TMEM80: variants seen among roughly 807,000 people sequenced by gnomAD.
TMEM80 encodes the protein transmembrane protein 80.
In TMEM80, 16 loss-of-function variants were observed where a neutral mutation model predicts 13.6. The ratio of observed to expected loss-of-function variants is 1.17; its 90% CI spans 0.79 to 1.78. The LOEUF (loss-of-function observed/expected upper bound fraction) is 1.78, where lower values mean the gene tolerates loss of function less well. Among genes scored for constraint, TMEM80 ranks in the 40% most tolerant of loss-of-function variants. TMEM80 has a pLI of 0.00. For synonymous variants in TMEM80, 92 were observed against 89.5 expected (o/e 1.03, Z -0.16); for missense variants, 167 against 184.6 (o/e 0.90, Z 0.55).
At position 700,138 on chromosome 11, in the gene TMEM80, C is replaced by G; in HGVS notation, c.40-4C>G. The G allele has an allele frequency of 6.2e-7, 1 of 1,613,894 alleles. No individual in the cohort carries two copies. Among genetic ancestry groups the G allele is most frequent in the Non-Finnish European group, 8.5e-7 (1 of 1,179,792 alleles). On this transcript the variant is annotated splice_polypyrimidine_tract_variant and splice_region_variant and intron_variant, in intron 2 of 4. Coordinates refer to ENST00000397510, the MANE Select transcript of TMEM80 (RefSeq NM_001042463.3). ...GAGCTTGAGGATCCTTAACCACTCACCAGCTCTCTTCAGTTCCCCTTCAAA... is the reference window on the plus strand; with the variant it reads ...GAGCTTGAGGATCCTTAACCACTCAGCAGCTCTCTTCAGTTCCCCTTCAAA...
intron 1 of TMEM80, 86 bp from the exon 2 acceptor site, chr11:698,781 CAG>C (rs1431247129): frequency 5.5e-6 from 8 of 1,465,120 alleles, no homozygotes; most frequent in African/African-American, 1.4e-5. Flanking sequence ...GAAAATAAAG[CAG>C]GGGTGGTTCC....
chr11:703,470 A>G lies in TMEM80; in HGVS notation c.*320A>G, dbSNP rs986675294. On this transcript the variant is annotated 3_prime_UTR_variant, in exon 5 of 5. Coordinates refer to ENST00000397510, the MANE Select transcript of TMEM80 (RefSeq NM_001042463.3). The stretch of plus-strand genomic sequence containing the variant: ...AGCAGCCAGGCCTCCACAGACCCCC[A>G]TGGGCCCCCAGGGCCGAGAGGGAGG... 7.9e-7 allele frequency: 1 copy of G among 1,258,270 alleles called. No individual in the cohort carries two copies. The allele number at this position is 1,258,270 out of a possible 1,614,324, so 77.9% of individuals were successfully genotyped here.
chr11:695,853 T>G lies in TMEM80; in HGVS notation c.19+7T>G, dbSNP rs574021993. The G allele has an allele frequency of 5.9e-5, 73 of 1,228,512 alleles. No individual in the cohort carries two copies. The highest frequency in any genetic ancestry group is 4.0e-5 in the South Asian group (1 of 24,824). The allele number at this position is 1,228,512 out of a possible 1,614,324, so 76.1% of individuals were successfully genotyped here. On this transcript the variant is annotated splice_region_variant and intron_variant, in intron 1 of 4. Transcript: ENST00000397510. ...ATGGCGGCCCCGCGGCGAGGTGAGC[T>G]CGGGCGGGGTGGGGGCTTCCGGGCT...
intron 2 of TMEM80, chr11:699,888 G>T: frequency 2.1e-6 from 1 of 470,994 alleles, no homozygotes; most frequent in Non-Finnish European, 3.8e-6. Flanking sequence ...CAGGAGGGCA[G>T]GGGCTGCAGT....
chr11:703,323 GAACA>G lies in TMEM80; in HGVS notation c.*177_*180del. 7.1e-7 allele frequency: 1 copy of G among 1,411,118 alleles called. No individual in the cohort carries two copies. Among genetic ancestry groups the G allele is most frequent in the Non-Finnish European group, 9.2e-7 (1 of 1,082,308 alleles). The allele number at this position is 1,411,118 out of a possible 1,614,324, so 87.4% of individuals were successfully genotyped here. ...AGGAGTGGGAGCAGGAGCCAGGGCA[GAACA>G]AACTGCTGGAGGCCCTGGTGTTGGG... On this transcript the variant is annotated 3_prime_UTR_variant, in exon 5 of 5. Coordinates refer to ENST00000397510, the MANE Select transcript of TMEM80 (RefSeq NM_001042463.3).
chr11:703,627 G>A lies in TMEM80; in HGVS notation c.*477G>A. 1 of 1,232,822 alleles carries A rather than the reference G, an allele frequency of 8.1e-7. No homozygotes were observed. The highest frequency in any genetic ancestry group is 1.0e-6 in the Non-Finnish European group (1 of 988,652). 76.4% of individuals were successfully genotyped at this position (1,232,822 alleles called of 1,614,324 possible). ...AGGCCCCACCTGTGTTTCCAAGTCG[G>A]GCTGGAGACGCAGGATGGGGTAGGC... On this transcript the variant is annotated 3_prime_UTR_variant, in exon 5 of 5. Transcript: ENST00000397510.
At chr11:700,523 T>A (rs1861401178) in intron 3 of TMEM80, 92 bp from the exon 4 acceptor site, 2 of 968,738 alleles carry the variant, frequency 2.1e-6, no homozygotes, top group East Asian at 5.0e-5. Flanking sequence ...CAAGACCCTG[T>A]CTCAAAAAAA....
At chr11:697,012 T>TGGGGGG (rs1861212589) in intron 1 of TMEM80, among the ~76,000 whole-genome samples, 1 of 95,558 alleles carries the variant, frequency 1.0e-5, no homozygotes, top group Admixed American at 1.4e-4. Context: ...CCGGTGGTGG[T>TGGGGGG]GGTGGGGGGG....
chr11:702,665 C>T (rs2133475249), intron 4 of TMEM80, among the ~76,000 whole-genome samples: 1 of 152,350 alleles, frequency 6.6e-6, no homozygotes, highest in African/African-American at 2.4e-5. Flanking sequence ...CCAAATTCAC[C>T]CCCGCCCACA....
intron 4 of TMEM80, 23 bp from the exon 5 acceptor site, chr11:702,922 C>T (rs749830364): frequency 2.8e-5 from 42 of 1,490,918 alleles, no homozygotes; most frequent in Middle Eastern, 4.8e-4. Flanking sequence ...ACCACCTTCC[C>T]TCCCCTTTGC....
upstream of TMEM80, chr11:695,776 CG>C: frequency 4.8e-6 from 6 of 1,237,260 alleles, no homozygotes; most frequent in Non-Finnish European, 5.1e-6. Context: ...CGCGAGCGCG[CG>C]GGCCGAGAGG....
Position 703,266 on chromosome 11 carries a change from A to AGATGGTTTTG in TMEM80, c.*124_*133dup. On this transcript the variant is annotated 3_prime_UTR_variant, in exon 5 of 5. Transcript: ENST00000397510. ...GGCACTTTTCCTAGTGACTGGCCAT[A>AGATGGTTTTG]GATGGTTTTGGATGGTTCCATCTGT... 2 of 1,451,392 alleles carry AGATGGTTTTG rather than the reference A, an allele frequency of 1.4e-6. No individual in the cohort carries two copies. Among genetic ancestry groups the AGATGGTTTTG allele is most frequent in the Non-Finnish European group, 1.8e-6 (2 of 1,095,894 alleles). 89.9% of individuals were successfully genotyped at this position (1,451,392 alleles called of 1,614,324 possible).
At chr11:700,495 C>T (rs1861400364) in intron 3 of TMEM80, 120 bp from the exon 4 acceptor site, 2 of 869,724 alleles carry the variant, frequency 2.3e-6, no homozygotes, top group South Asian at 1.4e-5. Flanking sequence ...CCACTGAACT[C>T]CATCCTGGGT....
Position 703,066 on chromosome 11 carries a change from C to T in TMEM80, c.348C>T (p.Asp116=), listed in dbSNP as rs1225046859. ...LLWQALVLWA[D]WALSATLLAL... ...GGCAGGCCCTAGTGTTGTGGGCGGACTGGGCCCTCAGCGCCACGCTCCTGG... is the reference window on the plus strand; with the variant it reads ...GGCAGGCCCTAGTGTTGTGGGCGGATTGGGCCCTCAGCGCCACGCTCCTGG... Residue 116 remains aspartate (D), a synonymous_variant, in exon 5 of 5, where the codon GAC becomes GAT. Coordinates refer to ENST00000397510, the MANE Select transcript of TMEM80 (RefSeq NM_001042463.3). 1 of 1,612,660 alleles carries T rather than the reference C, an allele frequency of 6.2e-7. No homozygotes were observed. Among genetic ancestry groups the T allele is most frequent in the African/African-American group, 1.3e-5 (1 of 74,946 alleles).
chr11:702,742 G>A (rs138589691), intron 4 of TMEM80, among the ~76,000 whole-genome samples: 5 of 152,374 alleles, frequency 3.3e-5, no homozygotes, highest in African/African-American at 1.2e-4. Context: ...CCCCAGGAGG[G>A]GCTCACGCCT....
In TMEM80 at chr11:701,022, A is replaced by C. The variant is rs1047214469; in HGVS notation, c.226+315A>C. On this transcript the variant is annotated intron_variant, in intron 4 of 4. Transcript: ENST00000397510. The stretch of plus-strand genomic sequence containing the variant: ...ACCACCACATCTGGAGCTCCGGAAT[A>C]TTCACCAGCACCCCTTTCCTTCCCC... 8.6e-5 allele frequency: 37 copies of C among 430,372 alleles called. No homozygotes were observed. The East Asian group carries it at 1.7e-3, about 19-fold the overall frequency. The allele number at this position is 430,372 out of a possible 1,614,324, so 26.7% of individuals were successfully genotyped here. A position where few individuals can be genotyped will look rare whatever the true frequency, so the allele number is the denominator to read the frequency against.
At chr11:704,971 G>A (rs1388925602), downstream of TMEM80, 21 of 319,504 alleles carry the variant, frequency 6.6e-5, 1 homozygote, top group South Asian at 4.7e-4. Context: ...GCAAGCTCAT[G>A]CATGGAGCAG....
Position 703,874 on chromosome 11 carries a change from G to A in TMEM80, c.*724G>A, listed in dbSNP as rs1347776983. 8 of 1,236,404 alleles carry A rather than the reference G, an allele frequency of 6.5e-6. No individual in the cohort carries two copies. The highest frequency in any genetic ancestry group is 4.1e-5 in the South Asian group (1 of 24,276). The allele number at this position is 1,236,404 out of a possible 1,614,324, so 76.6% of individuals were successfully genotyped here. A position where few individuals can be genotyped will look rare whatever the true frequency, so the allele number is the denominator to read the frequency against. On this transcript the variant is annotated 3_prime_UTR_variant, in exon 5 of 5. Transcript: ENST00000397510. ...GAGAGAGCAGCGGAGGGCCACATTC[G>A]GAGCCTCCGTCCACTCCAGTTTTAT... is the stretch of plus-strand genomic sequence containing the variant.
chr11:700,957 G>C, intron 4 of TMEM80: 1 of 543,646 alleles, frequency 1.8e-6, no homozygotes, highest in South Asian at 2.1e-5. Flanking sequence ...TCTTGTAGAA[G>C]CCACTGGGTA....
Sources: gnomAD v4.1 joint callset for allele counts (sites outside exome capture counted in the v4.1 genomes callset) on GRCh38, gnomAD v4.1.1 for gene constraint, MANE v1.5 for transcripts, NCBI Gene and HGNC (gene_info 2026-07-23, HGNC 2026-07-21) for gene names.